AK5: variants seen among roughly 807,000 people sequenced by gnomAD.
AK5 encodes adenylate kinase isoenzyme 5.
A neutral mutation model predicts 69.5 loss-of-function variants in AK5; 27 were observed. The observed-to-expected ratio is 0.39, with a 90% confidence interval of 0.29 to 0.54. AK5 has a LOEUF of 0.54. Among genes scored for constraint, AK5 ranks in the 20% least tolerant of loss-of-function variants. The pLI, the probability that AK5 is intolerant of heterozygous loss-of-function variation, is 0.71. For synonymous variants in AK5, 260 were observed against 244.4 expected (o/e 1.06, Z -0.60); for missense variants, 531 against 700.4 (o/e 0.76, Z 2.73).
At chr1:77,540,816 T>A (rs912474814) in intron 13 of AK5, 1 of 152,232 alleles carries the variant, frequency 6.6e-6, no homozygotes, top group Non-Finnish European at 1.5e-5. Context: ...TATAGAAAAC[T>A]GGTCAGGTGT....
At chr1:77,492,969 G>T (rs767560920) in intron 10 of AK5, among the ~76,000 whole-genome samples, 2 of 152,174 alleles carry the variant, frequency 1.3e-5, no homozygotes, top group Non-Finnish European at 2.9e-5. Flanking sequence ...GAAATCACTG[G>T]ATTGGACTAA....
At chr1:77,362,012 A>G (rs930572560) in intron 6 of AK5, among the ~76,000 whole-genome samples, 2 of 152,144 alleles carry the variant, frequency 1.3e-5, no homozygotes, top group African/African-American at 4.8e-5. Flanking sequence ...CCTCCTTATA[A>G]AAAATGATTC....
intron 2 of AK5, among the ~76,000 whole-genome samples, chr1:77,291,669 CAAAT>C (rs1166765568): frequency 6.6e-6 from 1 of 152,138 alleles, no homozygotes; most frequent in Non-Finnish European, 1.5e-5. Context: ...ACTAATTCAA[CAAAT>C]ATTTATTGGA....
chr1:77,521,816 C>T lies in AK5; in HGVS notation c.1312-11C>T. The T allele has an allele frequency of 6.2e-7, 1 of 1,609,794 alleles. No individual in the cohort carries two copies. Among genetic ancestry groups the T allele is most frequent in the Non-Finnish European group, 8.5e-7 (1 of 1,176,296 alleles). ...AGAGCTCAGGTCCTGACCACTCTCG[C>T]TTTGCTCCAGGGCATCGTTTTGGAG... On this transcript the variant is annotated splice_polypyrimidine_tract_variant and intron_variant, in intron 11 of 13. Transcript: ENST00000354567.
At chr1:77,553,360 C>T (rs141816888) in intron 13 of AK5, among the ~76,000 whole-genome samples, 14 of 152,232 alleles carry the variant, frequency 9.2e-5, no homozygotes, top group East Asian at 3.9e-4. Flanking sequence ...AGGACAAGAA[C>T]GGGCCCTAGA....
chr1:77,382,724 C>A (rs932935869), intron 6 of AK5, among the ~76,000 whole-genome samples: 2 of 152,184 alleles, frequency 1.3e-5, no homozygotes, highest in Non-Finnish European at 2.9e-5. Context: ...AAGTCATTAA[C>A]ATCTTGGGGC....
At chr1:77,336,455 A>G (rs1433497840) in intron 5 of AK5, among the ~76,000 whole-genome samples, 2 of 152,134 alleles carry the variant, frequency 1.3e-5, no homozygotes, top group Admixed American at 1.3e-4. Flanking sequence ...TAAAAACTCT[A>G]TGCCTTAACT....
chr1:77,488,347 T>C (rs1171436673), intron 10 of AK5, among the ~76,000 whole-genome samples: 1 of 152,204 alleles, frequency 6.6e-6, no homozygotes, highest in Non-Finnish European at 1.5e-5. Flanking sequence ...ATTACTAAAA[T>C]TCCCTTTTCC....
chr1:77,303,646 T>C (rs1431794709), intron 5 of AK5, among the ~76,000 whole-genome samples: 1 of 152,196 alleles, frequency 6.6e-6, no homozygotes, highest in African/African-American at 2.4e-5. Context: ...CATAATGTCA[T>C]AGTGTTAGTA....
Position 77,295,261 on chromosome 1 carries a change from G to A in AK5, c.415+1301G>A, listed in dbSNP as rs554925120. Among the ~76,000 whole-genome samples the A allele has an allele frequency of 3.9e-5, 6 of 152,262 alleles. No homozygotes were observed. The South Asian group carries it at 1.2e-3, about 32-fold the overall frequency. On this transcript the variant is annotated intron_variant, in intron 3 of 13. Transcript: ENST00000354567. The stretch of plus-strand genomic sequence containing the variant: ...CATGCAAGGAAGTAGTGCTTCAGAG[G>A]ACATAGCAATGTTGACAACTAGGAC...
intron 8 of AK5, among the ~76,000 whole-genome samples, chr1:77,445,565 C>T (rs567149468): frequency 6.6e-6 from 1 of 152,194 alleles, no homozygotes; most frequent in Non-Finnish European, 1.5e-5. Context: ...AATACTTTTT[C>T]CTAATCTGTA....
At chr1:77,430,130 C>CA (rs56891598) in intron 8 of AK5, among the ~76,000 whole-genome samples, 213 of 137,600 alleles carry the variant, frequency 1.5e-3, no homozygotes, top group South Asian at 3.7e-3. Context: ...CTATGGAGTT[C>CA]AAAAAAAAAA....
intron 8 of AK5, among the ~76,000 whole-genome samples, chr1:77,435,836 T>C (rs1021302066): frequency 3.3e-5 from 5 of 152,228 alleles, no homozygotes; most frequent in African/African-American, 7.2e-5. Context: ...TAAACTAAGT[T>C]ATGTATATAA....
rs538630833 is a variant in AK5, at chr1:77,559,718, G to C, written c.*1048G>C. The C allele has an allele frequency of 1.3e-3, 191 of 152,286 alleles. 6 individuals are homozygous for C. Among genetic ancestry groups the C allele is most frequent in the African/African-American group, 4.4e-3 (184 of 41,552 alleles). 9.4% of individuals were successfully genotyped at this position (152,286 alleles called of 1,614,324 possible). On this transcript the variant is annotated 3_prime_UTR_variant, in exon 14 of 14. Transcript: ENST00000354567. ...AACTGTGTTTCCTTGCATTAAACCA[G>C]TGAAGTTTGGGTTCTCTTTTGTGCT...
At chr1:77,394,331 C>A (rs1346565501) in intron 6 of AK5, among the ~76,000 whole-genome samples, 1 of 152,124 alleles carries the variant, frequency 6.6e-6, no homozygotes, top group Non-Finnish European at 1.5e-5. Context: ...AAACAAGGAT[C>A]TTCATGGGCC....
chr1:77,311,418 A>G (rs112600655), intron 5 of AK5, among the ~76,000 whole-genome samples: 12 of 152,096 alleles, frequency 7.9e-5, no homozygotes, highest in African/African-American at 2.9e-4. Flanking sequence ...CTCTCATTCA[A>G]TGTGTACTAC....
chr1:77,546,027 C>T (rs1308096383), intron 13 of AK5, among the ~76,000 whole-genome samples: 1 of 152,170 alleles, frequency 6.6e-6, no homozygotes, highest in Non-Finnish European at 1.5e-5. Flanking sequence ...CCCTTTCCTT[C>T]CTGATTGTCA....
intron 13 of AK5, among the ~76,000 whole-genome samples, chr1:77,540,937 C>T (rs1169222863): frequency 6.6e-6 from 1 of 151,576 alleles, no homozygotes; most frequent in Non-Finnish European, 1.5e-5. Context: ...GATGGAGTCT[C>T]GCTCTGTCAC....
intron 8 of AK5, among the ~76,000 whole-genome samples, chr1:77,452,518 T>C (rs766319850): frequency 1.3e-5 from 2 of 152,236 alleles, no homozygotes; most frequent in Non-Finnish European, 2.9e-5. Context: ...CCCACATGAC[T>C]CATGATGCAG....
Sources: allele counts gnomAD v4.1 joint callset (sites outside exome capture counted in the v4.1 genomes callset), GRCh38; gene constraint gnomAD v4.1.1; transcripts MANE v1.5; gene names NCBI Gene and HGNC (gene_info 2026-07-23, HGNC 2026-07-21).